The following TFAP2D variants were observed in gnomAD, a reference collection of about 807,000 sequenced individuals.
TFAP2D encodes transcription factor AP-2-delta.
TFAP2D carries 9 observed loss-of-function variants against 43.6 expected under a neutral mutation model. The observed-to-expected ratio is 0.21, with a 90% CI of 0.12 to 0.36. The LOEUF (loss-of-function observed/expected upper bound fraction) is 0.36. Ranked by LOEUF, TFAP2D falls within the 10% of genes least tolerant of loss-of-function variation. The probability of loss-of-function intolerance (pLI) is 1.00; values close to 1 mark genes in which losing one functional copy is unlikely to be tolerated. For synonymous variants in TFAP2D, 256 were observed against 224.9 expected (o/e 1.14, Z -1.24); for missense variants, 513 against 561.4 (o/e 0.91, Z 0.87).
chr6:50,767,232 G>A (rs940308736), intron 7 of TFAP2D, among the ~76,000 whole-genome samples: 21 of 152,142 alleles, frequency 1.4e-4, no homozygotes, highest in Admixed American at 1.2e-3. Context: ...TAATAAAAGT[G>A]GTAAGAGTGG....
intron 3 of TFAP2D, 86 bp from the exon 4 acceptor site, chr6:50,728,770 A>T: frequency 7.3e-7 from 1 of 1,376,248 alleles, no homozygotes; most frequent in Non-Finnish European, 1.0e-6. Context: ...TCCCAAATCC[A>T]GAATAGTCTT....
chr6:50,741,312 G>A (rs1769041740), intron 5 of TFAP2D, among the ~76,000 whole-genome samples: 1 of 152,006 alleles, frequency 6.6e-6, no homozygotes, highest in South Asian at 2.1e-4. Context: ...TTTAAGTTCA[G>A]GGGTACAAAT....
chr6:50,715,045 A>C, intron 1 of TFAP2D, 71 bp from the exon 2 acceptor site: 1 of 1,550,376 alleles, frequency 6.5e-7, no homozygotes. Context: ...GCTCCGGGAG[A>C]GCGGCGCCTT....
rs1015412496 is a variant in TFAP2D, at chr6:50,713,581, G to A, written c.-475G>A. On this transcript the variant is annotated 5_prime_UTR_variant, in exon 1 of 8. Transcript: ENST00000008391. ...GTGCAAATACTCTCCACAGAGATAA[G>A]TCCCCACCTCAGTCGGTATAGAAAA... Among the ~76,000 whole-genome samples, 6 of 152,126 alleles carry A rather than the reference G, an allele frequency of 3.9e-5. No homozygotes were observed. Among genetic ancestry groups the A allele is most frequent in the Non-Finnish European group, 8.8e-5 (6 of 68,018 alleles).
intron 6 of TFAP2D, among the ~76,000 whole-genome samples, chr6:50,750,620 C>T (rs186656479): frequency 5.1e-4 from 78 of 151,908 alleles, no homozygotes; most frequent in African/African-American, 1.8e-3. Flanking sequence ...AGAAAAGTTA[C>T]CTTGAGGGTA....
chr6:50,727,423 T>A (rs1189691866), intron 3 of TFAP2D, among the ~76,000 whole-genome samples: 3 of 152,182 alleles, frequency 2.0e-5, no homozygotes, highest in Non-Finnish European at 1.5e-5. Context: ...TAATATTCCA[T>A]ATGTGCTAGT....
intron 5 of TFAP2D, among the ~76,000 whole-genome samples, chr6:50,739,842 G>A (rs1769012638): frequency 6.6e-6 from 1 of 152,196 alleles, no homozygotes; most frequent in Non-Finnish European, 1.5e-5. Flanking sequence ...GCAGGATATT[G>A]AATGGGGAAT....
At chr6:50,754,042 A>G (rs1769232726) in intron 7 of TFAP2D, among the ~76,000 whole-genome samples, 1 of 151,974 alleles carries the variant, frequency 6.6e-6, no homozygotes, top group African/African-American at 2.4e-5. Context: ...CTGTAGTGTC[A>G]AGCATATTCT....
chr6:50,754,622 A>G (rs1217048126), intron 7 of TFAP2D, among the ~76,000 whole-genome samples: 1 of 151,940 alleles, frequency 6.6e-6, no homozygotes, highest in Non-Finnish European at 1.5e-5. Flanking sequence ...CATTTTCACA[A>G]TAATGTACGG....
At chr6:50,740,017 G>A (rs1471842046) in intron 5 of TFAP2D, among the ~76,000 whole-genome samples, 1 of 152,170 alleles carries the variant, frequency 6.6e-6, no homozygotes, top group Admixed American at 6.6e-5. Context: ...GTAAGTCAGG[G>A]CATCAGATAT....
intron 3 of TFAP2D, among the ~76,000 whole-genome samples, chr6:50,721,828 T>C (rs532141111): frequency 1.8e-4 from 27 of 152,336 alleles, no homozygotes; most frequent in African/African-American, 5.1e-4. Flanking sequence ...TTTACATTTC[T>C]AATGGTTTCT....
intron 3 of TFAP2D, 65 bp downstream of exon 3, chr6:50,719,215 A>C (rs1424928149): frequency 2.0e-6 from 3 of 1,531,724 alleles, no homozygotes; most frequent in Non-Finnish European, 1.8e-6. Context: ...TTTGTTTAGA[A>C]GATCTGGTTG....
intron 3 of TFAP2D, among the ~76,000 whole-genome samples, chr6:50,722,832 G>T (rs1287487256): frequency 1.3e-5 from 2 of 152,016 alleles, no homozygotes; most frequent in Non-Finnish European, 2.9e-5. Flanking sequence ...CGGGGGATGG[G>T]AGAGGAAAAA....
Position 50,772,819 on chromosome 6 carries a change from T to C in TFAP2D, c.1314T>C (p.Thr438=), listed in dbSNP as rs1464732232. The change falls in exon 8 of 8, where the codon ACT becomes ACC. Residue 438 remains threonine, a synonymous_variant. Coordinates refer to ENST00000008391, the MANE Select transcript of TFAP2D (RefSeq NM_172238.4). The part of the protein sequence containing the change: ...ANSEKAPLRK[T]SEAAVKEGKT... ...CGGAGAAAGCTCCCCTGCGGAAAAC[T>C]TCAGAGGCTGCCGTGAAAGAGGGCA... The C allele has an allele frequency of 6.2e-7, 1 of 1,613,860 alleles. No individual in the cohort carries two copies. The highest frequency in any genetic ancestry group is 8.5e-7 in the Non-Finnish European group (1 of 1,179,970).
At chr6:50,728,443 C>G (rs954869965) in intron 3 of TFAP2D, among the ~76,000 whole-genome samples, 1 of 152,178 alleles carries the variant, frequency 6.6e-6, no homozygotes, top group African/African-American at 2.4e-5. Flanking sequence ...ACATTTCCAT[C>G]CATTGTGTAC....
chr6:50,728,375 G>A lies in TFAP2D; in HGVS notation c.599-481G>A, dbSNP rs549802505. Reference sequence around the variant, plus strand: ...CTGTTTTGCCTTTAATTGGCAGATGGATGAGGAAAAGATGGCAGTTTTCAA... The same window carrying A: ...CTGTTTTGCCTTTAATTGGCAGATGAATGAGGAAAAGATGGCAGTTTTCAA... On this transcript the variant is annotated intron_variant, in intron 3 of 7. Transcript: ENST00000008391. Among the ~76,000 whole-genome samples the A allele has an allele frequency of 7.9e-5, 12 of 152,280 alleles. No homozygotes were observed. In the South Asian group the frequency reaches 2.5e-3, roughly 32 times the overall value.
At chr6:50,726,604 T>C (rs1022847185) in intron 3 of TFAP2D, among the ~76,000 whole-genome samples, 7 of 152,234 alleles carry the variant, frequency 4.6e-5, no homozygotes, top group African/African-American at 1.7e-4. Flanking sequence ...TCTCTTTGTT[T>C]AATATATTTG....
intron 3 of TFAP2D, among the ~76,000 whole-genome samples, chr6:50,726,805 G>A (rs868723585): frequency 2.6e-5 from 4 of 152,138 alleles, no homozygotes; most frequent in South Asian, 2.1e-4. Context: ...AAGTGAAATG[G>A]TAGTCTTAGG....
At position 50,729,290 on chromosome 6, in the gene TFAP2D, C is replaced by T. The variant is rs1311121284; in HGVS notation, c.861C>T (p.Thr287=). 5.6e-6 allele frequency: 9 copies of T among 1,613,774 alleles called. No individual in the cohort carries two copies. The highest frequency in any genetic ancestry group is 7.6e-6 in the Non-Finnish European group (9 of 1,179,784). ...GAAGACGGAAAGCAGCTAATGTCACCCTCCTTACTTCCTTGGTTGAAGGTA... is the reference window on the plus strand; with the variant it reads ...GAAGACGGAAAGCAGCTAATGTCACTCTCCTTACTTCCTTGGTTGAAGGTA... ...PAGRRKAANV[T]LLTSLVEGEA... Residue 287 remains threonine (T), a synonymous_variant, in exon 5 of 8, where the codon ACC becomes ACT. Coordinates refer to ENST00000008391, the MANE Select transcript of TFAP2D (RefSeq NM_172238.4).
Sources: allele counts gnomAD v4.1 joint callset (sites outside exome capture counted in the v4.1 genomes callset), GRCh38; gene constraint gnomAD v4.1.1; transcripts MANE v1.5; gene names NCBI Gene and HGNC (gene_info 2026-07-23, HGNC 2026-07-21).